Variants in LIMS2 observed in about 807,000 individuals in gnomAD.
LIMS2 encodes the protein LIM and senescent cell antigen-like-containing domain protein 2.
A neutral mutation model predicts 45.3 loss-of-function variants in LIMS2; 30 were observed. That is an observed-to-expected ratio of 0.66 (90% CI 0.50 to 0.90). LIMS2 has a LOEUF of 0.90. Among genes scored for constraint, LIMS2 ranks in the 40% least tolerant of loss-of-function variants. The pLI is 0.00. For synonymous variants in LIMS2, 173 were observed against 188.0 expected (o/e 0.92, Z 0.65); for missense variants, 485 against 468.7 (o/e 1.03, Z -0.32).
chr2:127,650,468 G>A (rs1260588059), intron 4 of LIMS2: 1 of 556,452 alleles, frequency 1.8e-6, no homozygotes, highest in Admixed American at 3.3e-5. Context: ...TGGGTGGCAG[G>A]GGTGCAGCTG....
Position 127,654,224 on chromosome 2 carries a change from C to T in LIMS2, c.359+200G>A, listed in dbSNP as rs145651046. On this transcript the variant is annotated intron_variant, in intron 4 of 9. Transcript: ENST00000355119. ...GGCTCCCGAGAGGCTGCCAGGAGCT[C>T]GCTGAGCGTGGGGCCCTGTAAACTG... Among the ~76,000 whole-genome samples, 15 of 152,196 alleles carry T rather than the reference C, an allele frequency of 9.9e-5. No homozygotes were observed. In the East Asian group the frequency reaches 1.7e-3, roughly 18 times the overall value.
At position 127,640,336 on chromosome 2, in the gene LIMS2, T is replaced by C; in HGVS notation, c.754-18A>G. ...CCGAAGAGCTGTGGGCCGAGCAGGC[T>C]GTCAGAGTAGCTGCAGGCAGTCACA... On this transcript the variant is annotated intron_variant, in intron 7 of 9. Transcript: ENST00000355119. 1 of 1,611,758 alleles carries C rather than the reference T, an allele frequency of 6.2e-7. No homozygotes were observed. The highest frequency in any genetic ancestry group is 8.5e-7 in the Non-Finnish European group (1 of 1,179,630).
chr2:127,650,467 G>T, intron 4 of LIMS2: 1 of 556,478 alleles, frequency 1.8e-6, no homozygotes, highest in Non-Finnish European at 3.2e-6. Context: ...CTGGGTGGCA[G>T]GGGTGCAGCT....
Position 127,639,228 on chromosome 2 carries a change from C to A in LIMS2, c.*53G>T, listed in dbSNP as rs1682135445. ...TGGGGACGAGGGGGCCAAGCATGGA[C>A]AGCAGGAGGGGAGAAGGCGGAGGGG... On this transcript the variant is annotated 3_prime_UTR_variant, in exon 10 of 10. Coordinates refer to ENST00000355119, the MANE Select transcript of LIMS2 (RefSeq NM_001161403.3). 3.8e-5 allele frequency: 61 copies of A among 1,594,386 alleles called. No individual in the cohort carries two copies. In the South Asian group the frequency reaches 6.9e-4, roughly 18 times the overall value.
chr2:127,657,512 C>T lies in LIMS2; in HGVS notation c.62G>A (p.Arg21His), dbSNP rs1217385578. The change falls in exon 2 of 10, where the codon CGC becomes CAC. Residue 21 changes from arginine (R) to histidine (H), a missense_variant. Arg to His is a conservative substitution (Grantham distance 29). Coordinates refer to ENST00000355119, the MANE Select transcript of LIMS2 (RefSeq NM_001161403.3). ...ANAVCQRCQA[R>H]FSPAERIVNS... ...GACAATGCGCTCGGCGGGGGAGAAG[C>T]GGGCCTGGCAGCGCTGGCACACGGC... 8.1e-6 allele frequency: 13 copies of T among 1,612,508 alleles called. No homozygotes were observed. The highest frequency in any genetic ancestry group is 4.5e-5 in the East Asian group (2 of 44,894).
At chr2:127,674,823 A>G (rs1406388287) in intron 1 of LIMS2, 191 bp downstream of exon 1, 2 of 985,194 alleles carry the variant, frequency 2.0e-6, no homozygotes, top group Non-Finnish European at 2.4e-6. Flanking sequence ...GCTCGCCCAG[A>G]GGAAGAGGCG....
chr2:127,671,143 G>A lies in LIMS2; in HGVS notation c.11+3871C>T, dbSNP rs949935224. On this transcript the variant is annotated intron_variant, in intron 1 of 9. Transcript: ENST00000355119. The surrounding 1 kb of genome is among the most constrained non-coding windows in gnomAD (Gnocchi z 4.1). ...GAAGACCTAAGGGATGGTTAAGCCTGCATGCAGGCTGGGCACGGTTGTTCA... is the reference window on the plus strand; with the variant it reads ...GAAGACCTAAGGGATGGTTAAGCCTACATGCAGGCTGGGCACGGTTGTTCA... Among the ~76,000 whole-genome samples the A allele has an allele frequency of 2.0e-5, 3 of 152,184 alleles. No individual in the cohort carries two copies. Among genetic ancestry groups the A allele is most frequent in the African/African-American group, 7.2e-5 (3 of 41,434 alleles).
chr2:127,647,296 G>A lies in LIMS2; in HGVS notation c.360-4224C>T, dbSNP rs527466363. Among the ~76,000 whole-genome samples the A allele has an allele frequency of 6.6e-6, 1 of 152,282 alleles. No homozygotes were observed. On this transcript the variant is annotated intron_variant, in intron 4 of 9. Transcript: ENST00000355119. The surrounding 1 kb of genome is among the most constrained non-coding windows in gnomAD (Gnocchi z 4.3). ...CAACTCCATGGCAAACTCTGAGACTGAGTCACACTCCCCACCCTGGCGGTC... is the reference window on the plus strand; with the variant it reads ...CAACTCCATGGCAAACTCTGAGACTAAGTCACACTCCCCACCCTGGCGGTC...
intron 6 of LIMS2, 84 bp downstream of exon 6, chr2:127,641,965 G>T: frequency 6.8e-7 from 1 of 1,469,378 alleles, no homozygotes; most frequent in South Asian, 1.3e-5. Context: ...GGCTGGGAGT[G>T]TGGAGGAGCT....
intron 1 of LIMS2, among the ~76,000 whole-genome samples, chr2:127,661,988 AGT>A (rs1414990139): frequency 6.6e-6 from 1 of 152,090 alleles, no homozygotes; most frequent in Non-Finnish European, 1.5e-5. Flanking sequence ...GAGTCAAGGA[AGT>A]GTGTGTAAGG....
intron 4 of LIMS2, chr2:127,651,014 T>C: frequency 1.2e-6 from 2 of 1,613,792 alleles, no homozygotes; most frequent in Non-Finnish European, 1.7e-6. Flanking sequence ...ACCACTTCTC[T>C]GGGAACCACT....
In LIMS2 at chr2:127,653,013, C is replaced by T. The variant is rs1683957833; in HGVS notation, c.359+1411G>A. ...CTCGCTCCACACACCCTGTCGGCGA[C>T]GTTGCTGGTCAGCACGAGCTCCTGG... On this transcript the variant is annotated intron_variant, in intron 4 of 9. Transcript: ENST00000355119. The surrounding 1 kb of genome is among the most constrained non-coding windows in gnomAD (Gnocchi z 5.3). Among the ~76,000 whole-genome samples the T allele has an allele frequency of 6.6e-6, 1 of 152,260 alleles. No individual in the cohort carries two copies. Among genetic ancestry groups the T allele is most frequent in the South Asian group, 2.1e-4 (1 of 4,834 alleles).
intron 4 of LIMS2, chr2:127,650,126 C>A: frequency 6.6e-7 from 1 of 1,512,090 alleles, no homozygotes; most frequent in South Asian, 1.2e-5. Flanking sequence ...CCCTTGCTGC[C>A]ATCCTGGGGG....
intron 1 of LIMS2, among the ~76,000 whole-genome samples, chr2:127,666,012 T>C (rs1366058439): frequency 6.6e-6 from 1 of 151,568 alleles, no homozygotes; most frequent in Non-Finnish European, 1.5e-5. Flanking sequence ...AGGCTTAGAG[T>C]CTGATTGAGC....
chr2:127,660,409 A>G (rs982844062), intron 1 of LIMS2, among the ~76,000 whole-genome samples: 7 of 152,174 alleles, frequency 4.6e-5, no homozygotes, highest in African/African-American at 1.7e-4. Flanking sequence ...CGCCACCTTT[A>G]TGAGCTGTAA....
chr2:127,649,846 C>A (rs1306308446), intron 4 of LIMS2: 3 of 638,450 alleles, frequency 4.7e-6, no homozygotes, highest in Non-Finnish European at 8.1e-6. Flanking sequence ...GATCCGTCCT[C>A]AACAGCGCTG....
intron 4 of LIMS2, chr2:127,650,592 G>T: frequency 1.5e-6 from 1 of 680,220 alleles, no homozygotes; most frequent in Non-Finnish European, 2.5e-6. Context: ...GCAGCCCCGT[G>T]GGCGGTGCTG....
At chr2:127,648,501 G>A (rs770445908) in intron 4 of LIMS2, among the ~76,000 whole-genome samples, 1 of 152,072 alleles carries the variant, frequency 6.6e-6, no homozygotes, top group Non-Finnish European at 1.5e-5. Context: ...TCCTCCATAT[G>A]AGGATGGCTC....
intron 4 of LIMS2, 193 bp from the exon 5 acceptor site, chr2:127,643,265 G>C: frequency 1.6e-6 from 1 of 618,770 alleles, no homozygotes; most frequent in Non-Finnish European, 2.9e-6. Flanking sequence ...CTGGGAATGG[G>C]ACGCATGCTC....
Sources: gnomAD v4.1 joint callset for allele counts (sites outside exome capture counted in the v4.1 genomes callset) on GRCh38, gnomAD v4.1.1 for gene constraint, Gnocchi (gnomAD v3.1) non-coding constraint, MANE v1.5 for transcripts, NCBI Gene and HGNC (gene_info 2026-07-23, HGNC 2026-07-21) for gene names.